HSD17B7: variants seen among roughly 807,000 people sequenced by gnomAD.
HSD17B7 encodes the protein hydroxysteroid 17-beta dehydrogenase 7.
In HSD17B7, 17 loss-of-function variants were observed where a neutral mutation model predicts 34.1. That is an observed-to-expected ratio of 0.50 (90% confidence interval 0.34 to 0.75). The LOEUF is 0.75. Ranked by LOEUF, HSD17B7 falls within the 30% of genes least tolerant of loss-of-function variation. HSD17B7 has a pLI of 0.01. For synonymous variants in HSD17B7, 122 were observed against 154.6 expected, an observed-to-expected ratio of 0.79 and a Z score of 1.56; for missense variants, 296 against 406.6, an observed-to-expected ratio of 0.73 and a Z score of 2.34.
chr1:162,805,497 A>G lies in HSD17B7; in HGVS notation c.903+5A>G. ...AATTACATTATGACCCAGAAGGTAA[A>G]TGTGCTTACATTGTTGCACTGATGT... On this transcript the variant is annotated splice_donor_5th_base_variant and intron_variant, in intron 8 of 8. Coordinates refer to ENST00000254521, the MANE Select transcript of HSD17B7 (RefSeq NM_016371.4). The G allele has an allele frequency of 1.9e-6, 3 of 1,612,038 alleles. No individual in the cohort carries two copies. Among genetic ancestry groups the G allele is most frequent in the South Asian group, 2.2e-5 (2 of 90,856 alleles).
At chr1:162,810,008 CT>C (rs1649123223) in intron 8 of HSD17B7, among the ~76,000 whole-genome samples, 1 of 152,010 alleles carries the variant, frequency 6.6e-6, no homozygotes, top group Non-Finnish European at 1.5e-5. Context: ...AATGTGTTTG[CT>C]TTTGCTTCTC....
chr1:162,802,407 T>C (rs1159729775), intron 5 of HSD17B7, among the ~76,000 whole-genome samples: 3 of 152,232 alleles, frequency 2.0e-5, no homozygotes. Context: ...GGAAAAACTT[T>C]TGGACTATCA....
At chr1:162,799,564 C>T in intron 4 of HSD17B7, 179 bp from the exon 5 acceptor site, 7 of 556,994 alleles carry the variant, frequency 1.3e-5, no homozygotes, top group South Asian at 5.3e-5. Flanking sequence ...CATACTAACT[C>T]ATGTATGTAT....
chr1:162,793,254 C>T (rs1246787533), intron 2 of HSD17B7, among the ~76,000 whole-genome samples: 5 of 152,126 alleles, frequency 3.3e-5, no homozygotes, highest in African/African-American at 7.2e-5. Context: ...AGGCTGGTTT[C>T]GAACCCCTGA....
chr1:162,792,725 G>C lies in HSD17B7; in HGVS notation c.102G>C (p.Ala34=), dbSNP rs370458227. 1 of 1,613,992 alleles carries C rather than the reference G, an allele frequency of 6.2e-7. No individual in the cohort carries two copies. The highest frequency in any genetic ancestry group is 8.5e-7 in the Non-Finnish European group (1 of 1,180,026). Reference sequence around the variant, plus strand: ...ATGATGAGCTTCATCTGTGTTTGGCGTGCAGGAACATGAGCAAGGCAGAAG... The same window carrying C: ...ATGATGAGCTTCATCTGTGTTTGGCCTGCAGGAACATGAGCAAGGCAGAAG... ...AEDDELHLCL[A]CRNMSKAEAV... The change falls in exon 2 of 9, where the codon GCG becomes GCC. Residue 34 remains alanine, a synonymous_variant. Transcript: ENST00000254521.
chr1:162,805,351 T>C (rs1558096350), intron 7 of HSD17B7, 43 bp from the exon 8 acceptor site: 2 of 1,605,244 alleles, frequency 1.2e-6, no homozygotes, highest in Non-Finnish European at 1.7e-6. Flanking sequence ...CTCACTCATC[T>C]TGGGCAGAAG....
Position 162,807,157 on chromosome 1 carries a change from G to C in HSD17B7, c.903+1665G>C, listed in dbSNP as rs376112002. Among the ~76,000 whole-genome samples the C allele has an allele frequency of 6.6e-5, 10 of 152,118 alleles. No individual in the cohort carries two copies. In the East Asian group the frequency reaches 7.7e-4, roughly 12 times the overall value. ...CCCCACAACAGGCCCCAGTGTGTGA[G>C]GTTCCCCTTCCTGTGTCCAAGTGTT... On this transcript the variant is annotated intron_variant, in intron 8 of 8. Transcript: ENST00000254521.
At position 162,807,422 on chromosome 1, in the gene HSD17B7, C is replaced by T. The variant is rs139054162; in HGVS notation, c.903+1930C>T. On this transcript the variant is annotated intron_variant, in intron 8 of 8. Coordinates refer to ENST00000254521, the MANE Select transcript of HSD17B7 (RefSeq NM_016371.4). ...AAGTCTTTGCTACTGTGAATAGTGCCGCAGTAAACATACATGTGCATCTGT... is the reference window on the plus strand; with the variant it reads ...AAGTCTTTGCTACTGTGAATAGTGCTGCAGTAAACATACATGTGCATCTGT... Among the ~76,000 whole-genome samples the T allele has an allele frequency of 8.7e-3, 1,320 of 152,234 alleles. 14 individuals are homozygous for T. Among genetic ancestry groups the T allele is most frequent in the East Asian group, 0.034 (177 of 5,190 alleles).
intron 8 of HSD17B7, among the ~76,000 whole-genome samples, chr1:162,810,539 G>T (rs1011569084): frequency 1.2e-4 from 19 of 152,102 alleles, no homozygotes; most frequent in Non-Finnish European, 1.0e-4. Flanking sequence ...TGTCTAATGT[G>T]GACAGTGGGG....
intron 8 of HSD17B7, among the ~76,000 whole-genome samples, chr1:162,808,342 C>G (rs1649058663): frequency 6.6e-6 from 1 of 152,078 alleles, no homozygotes. Flanking sequence ...TGTTTTGGTA[C>G]CAGTACCATG....
chr1:162,810,187 C>T (rs1001583128), intron 8 of HSD17B7, among the ~76,000 whole-genome samples: 1 of 152,212 alleles, frequency 6.6e-6, no homozygotes, highest in Non-Finnish European at 1.5e-5. Flanking sequence ...ATCTTTACGT[C>T]TGCCCTCATT....
In HSD17B7 at chr1:162,805,438, C is replaced by T; in HGVS notation, c.849C>T (p.Ile283=). The T allele has an allele frequency of 6.2e-7, 1 of 1,613,158 alleles. No homozygotes were observed. The highest frequency in any genetic ancestry group is 8.5e-7 in the Non-Finnish European group (1 of 1,179,388). Reference sequence around the variant, plus strand: ...AGCCTGAATCTCTCAATCCTCTGATCAAATATCTGAGTGCCACCACTGGCT... The same window carrying T: ...AGCCTGAATCTCTCAATCCTCTGATTAAATATCTGAGTGCCACCACTGGCT... The part of the protein sequence containing the change: ...HQKPESLNPL[I]KYLSATTGFG... The change falls in exon 8 of 9, where the codon ATC becomes ATT. Residue 283 remains isoleucine, a synonymous_variant. Coordinates refer to ENST00000254521, the MANE Select transcript of HSD17B7 (RefSeq NM_016371.4).
At chr1:162,811,879 T>C (rs1401594001) in intron 8 of HSD17B7, among the ~76,000 whole-genome samples, 2 of 152,272 alleles carry the variant, frequency 1.3e-5, no homozygotes, top group Non-Finnish European at 2.9e-5. Context: ...TATCGTCTTA[T>C]ATCCAGAGGG....
intron 5 of HSD17B7, among the ~76,000 whole-genome samples, chr1:162,802,300 T>C (rs1235393405): frequency 4.6e-5 from 7 of 152,244 alleles, no homozygotes; most frequent in Non-Finnish European, 8.8e-5. Context: ...GAAGATTTCT[T>C]CGTTTAGGAC....
At chr1:162,800,567 C>A (rs1372702162) in intron 5 of HSD17B7, among the ~76,000 whole-genome samples, 3 of 152,164 alleles carry the variant, frequency 2.0e-5, no homozygotes, top group Admixed American at 1.3e-4. Flanking sequence ...GGGATGGTGA[C>A]CCTTGTTGGT....
At chr1:162,797,575 G>A (rs1648658954) in intron 3 of HSD17B7, 3 of 426,002 alleles carry the variant, frequency 7.0e-6, no homozygotes, top group Non-Finnish European at 1.2e-5. Context: ...TTGGTAGCGT[G>A]AGCTATAAGT....
intron 8 of HSD17B7, among the ~76,000 whole-genome samples, chr1:162,810,519 C>T (rs2102238509): frequency 6.6e-6 from 1 of 152,194 alleles, no homozygotes; most frequent in East Asian, 1.9e-4. Flanking sequence ...AACTTTCTGT[C>T]TTGTTGATCT....
rs759108298 is a variant in HSD17B7, at chr1:162,805,573, C to G, written c.903+81C>G. The G allele has an allele frequency of 2.9e-4, 457 of 1,550,548 alleles. 1 individual carries two copies. The highest frequency in any genetic ancestry group is 3.7e-4 in the Non-Finnish European group (428 of 1,146,202). On this transcript the variant is annotated intron_variant, in intron 8 of 8. Transcript: ENST00000254521. ...CTGTGTTCCTGACCAGCCCCTCAGC[C>G]CCCCAGCTTCGCTTCTCTGGGTACT...
chr1:162,796,354 G>A (rs1197082803), intron 2 of HSD17B7, among the ~76,000 whole-genome samples: 3 of 152,134 alleles, frequency 2.0e-5, no homozygotes, highest in Non-Finnish European at 2.9e-5. Context: ...ACCAAAGAAA[G>A]AATTCTCAAA....
Sources: gnomAD v4.1 joint callset for allele counts (sites outside exome capture counted in the v4.1 genomes callset) on GRCh38, gnomAD v4.1.1 for gene constraint, MANE v1.5 for transcripts, NCBI Gene and HGNC (gene_info 2026-07-23, HGNC 2026-07-21) for gene names.